HRH1: variants seen among roughly 807,000 people sequenced by gnomAD.
The protein encoded by HRH1 is histamine receptor H1.
HRH1 carries 6 observed loss-of-function variants against 10.3 expected under a neutral mutation model. The observed-to-expected ratio is 0.58, with a 90% CI of 0.32 to 1.15. The LOEUF is 1.15. Ranked by LOEUF, HRH1 falls within the 50% of genes most tolerant of loss-of-function variation. HRH1 has a pLI of 0.05. For synonymous variants in HRH1, 242 were observed against 236.7 expected, an observed-to-expected ratio of 1.02 and a Z score of -0.21; for missense variants, 514 against 615.3, an observed-to-expected ratio of 0.84 and a Z score of 1.74.
intron 1 of HRH1, among the ~76,000 whole-genome samples, chr3:11,196,041 C>T (rs1029473676): frequency 4.6e-5 from 7 of 152,252 alleles, no homozygotes; most frequent in African/African-American, 9.6e-5. Context: ...ACTCTGGCCC[C>T]GCCAAGTCCA....
At chr3:11,176,468 T>G (rs972806269) in intron 1 of HRH1, among the ~76,000 whole-genome samples, 38 of 152,012 alleles carry the variant, frequency 2.5e-4, no homozygotes, top group African/African-American at 9.2e-4. Context: ...TAGGCTAACG[T>G]GGGGTGGGGT....
chr3:11,234,910 TATG>T (rs2125045610), intron 1 of HRH1, among the ~76,000 whole-genome samples: 1 of 152,342 alleles, frequency 6.6e-6, no homozygotes, highest in South Asian at 2.1e-4. Flanking sequence ...GAAGCATTTT[TATG>T]ATGATTACTT....
intron 1 of HRH1, among the ~76,000 whole-genome samples, chr3:11,209,369 A>C (rs893115489): frequency 6.6e-6 from 1 of 152,162 alleles, no homozygotes; most frequent in Non-Finnish European, 1.5e-5. Context: ...GGGAATCCTA[A>C]ATACTGGGAT....
intron 1 of HRH1, among the ~76,000 whole-genome samples, chr3:11,203,326 C>T (rs1938001273): frequency 6.6e-6 from 1 of 152,174 alleles, no homozygotes; most frequent in South Asian, 2.1e-4. Flanking sequence ...TGAGAAACGG[C>T]CAAACTGTCT....
intron 1 of HRH1, among the ~76,000 whole-genome samples, chr3:11,248,624 G>T (rs1939552142): frequency 6.6e-6 from 1 of 152,200 alleles, no homozygotes; most frequent in African/African-American, 2.4e-5. Flanking sequence ...CATACTGATT[G>T]GTAAGCTCTT....
At chr3:11,157,042 A>T (rs1936820568) in intron 1 of HRH1, among the ~76,000 whole-genome samples, 1 of 152,212 alleles carries the variant, frequency 6.6e-6, no homozygotes, top group Non-Finnish European at 1.5e-5. Context: ...ACTAGTGTGG[A>T]TGATATTGCT....
chr3:11,227,320 T>C (rs1281230925), intron 1 of HRH1, among the ~76,000 whole-genome samples: 1 of 150,758 alleles, frequency 6.6e-6, no homozygotes, highest in Non-Finnish European at 1.5e-5. Context: ...GGAGTCTCGC[T>C]CTGTCCCCCA....
At chr3:11,153,543 C>T (rs1220573226), upstream of HRH1, among the ~76,000 whole-genome samples, 1 of 151,898 alleles carries the variant, frequency 6.6e-6, no homozygotes, top group Admixed American at 6.6e-5. Context: ...AAACACCCTC[C>T]TCTCCCTGTG....
chr3:11,232,258 T>C (rs543038527), intron 1 of HRH1, among the ~76,000 whole-genome samples: 1 of 152,326 alleles, frequency 6.6e-6, no homozygotes, highest in South Asian at 2.1e-4. Flanking sequence ...AGTGCTGGGA[T>C]TACAGGCATG....
At chr3:11,190,777 G>C (rs371362482) in intron 1 of HRH1, among the ~76,000 whole-genome samples, 1 of 152,152 alleles carries the variant, frequency 6.6e-6, no homozygotes, top group African/African-American at 2.4e-5. Context: ...CTTGAGCCGT[G>C]AGGTTGAGAC....
chr3:11,253,045 A>T (rs1386154246), intron 1 of HRH1: 2 of 152,184 alleles, frequency 1.3e-5, no homozygotes, highest in Non-Finnish European at 2.9e-5. Context: ...TGGAATTAAC[A>T]GAAATTTGCT....
At chr3:11,223,139 C>T (rs1311426752) in intron 1 of HRH1, among the ~76,000 whole-genome samples, 1 of 134,748 alleles carries the variant, frequency 7.4e-6, no homozygotes. Flanking sequence ...GAGTCGAGAT[C>T]GCACCATCAC....
intron 1 of HRH1, among the ~76,000 whole-genome samples, chr3:11,239,090 G>A (rs1020126934): frequency 2.6e-5 from 4 of 152,214 alleles, no homozygotes; most frequent in Admixed American, 2.6e-4. Flanking sequence ...CTATCAGATT[G>A]CTTTTCACAG....
intron 1 of HRH1, among the ~76,000 whole-genome samples, chr3:11,242,349 C>T (rs1467532866): frequency 6.6e-6 from 1 of 151,816 alleles, no homozygotes; most frequent in Non-Finnish European, 1.5e-5. Flanking sequence ...GCCATGGTGG[C>T]GGGTGCCTGT....
At chr3:11,154,134 C>T (rs772932156), upstream of HRH1, among the ~76,000 whole-genome samples, 1 of 152,160 alleles carries the variant, frequency 6.6e-6, no homozygotes, top group Non-Finnish European at 1.5e-5. This position sits in a 1 kb window ranked among gnomAD's most constrained non-coding sequence, Gnocchi z 4.4. Flanking sequence ...TGTGTGCCCG[C>T]AGGTGCGTGG....
At chr3:11,209,002 C>A (rs908434035) in intron 1 of HRH1, among the ~76,000 whole-genome samples, 2 of 152,200 alleles carry the variant, frequency 1.3e-5, no homozygotes, top group Middle Eastern at 3.4e-3. Context: ...TTTCCTTCAC[C>A]CTCAACTGCC....
At chr3:11,189,118 C>T (rs919270247) in intron 1 of HRH1, among the ~76,000 whole-genome samples, 3 of 152,200 alleles carry the variant, frequency 2.0e-5, no homozygotes, top group Non-Finnish European at 4.4e-5. Context: ...GTTTTGCCCC[C>T]ATTTTACAGA....
At chr3:11,169,866 T>TA (rs1937118679) in intron 1 of HRH1, among the ~76,000 whole-genome samples, 1 of 152,152 alleles carries the variant, frequency 6.6e-6, no homozygotes, top group African/African-American at 2.4e-5. Flanking sequence ...TGTCCTTCAA[T>TA]AACTAGATCC....
intron 1 of HRH1, among the ~76,000 whole-genome samples, chr3:11,216,733 A>C (rs973912049): frequency 2.6e-5 from 4 of 152,126 alleles, no homozygotes; most frequent in Non-Finnish European, 4.4e-5. Flanking sequence ...ACAAAAACTT[A>C]GCTGGACATG....
Sources: allele counts gnomAD v4.1 joint callset (sites outside exome capture counted in the v4.1 genomes callset), GRCh38; gene constraint gnomAD v4.1.1; non-coding constraint Gnocchi (gnomAD v3.1); transcripts MANE v1.5; gene names NCBI Gene and HGNC (gene_info 2026-07-23, HGNC 2026-07-21).